RASGRF2: variants seen among roughly 807,000 people sequenced by gnomAD.
The protein encoded by RASGRF2 is Ras protein specific guanine nucleotide releasing factor 2, also known as ras-specific guanine nucleotide-releasing factor 2.
A neutral mutation model predicts 151.0 loss-of-function variants in RASGRF2; 76 were observed. That is an observed-to-expected ratio of 0.50 (90% CI 0.42 to 0.61). The LOEUF (loss-of-function observed/expected upper bound fraction) is 0.61, where lower values mean the gene tolerates loss of function less well. RASGRF2 is among the 20% of genes least tolerant of loss of function. The pLI is 0.00. For synonymous variants in RASGRF2, 504 were observed against 566.5 expected (o/e 0.89, Z 1.57); for missense variants, 1,148 against 1,564.6 (o/e 0.73, Z 4.49).
Position 81,159,323 on chromosome 5 carries a change from C to T in RASGRF2, c.2687-20852C>T, listed in dbSNP as rs1754329536. Among the ~76,000 whole-genome samples, 3 of 152,210 alleles carry T rather than the reference C, an allele frequency of 2.0e-5. No individual in the cohort carries two copies. In the South Asian group the frequency reaches 6.2e-4, roughly 32 times the overall value. Reference sequence around the variant, plus strand: ...TCTCTGTTGCAACTTCCCAACTCTGCCTTTGCAGTGCCAAAGCAGCAACAG... The same window carrying T: ...TCTCTGTTGCAACTTCCCAACTCTGTCTTTGCAGTGCCAAAGCAGCAACAG... On this transcript the variant is annotated intron_variant, in intron 17 of 26. Transcript: ENST00000265080.
chr5:81,183,377 A>T, intron 18 of RASGRF2: 1 of 924,552 alleles, frequency 1.1e-6, no homozygotes, highest in South Asian at 5.0e-5. Flanking sequence ...AAAAAGTTGC[A>T]GAAGTGTGGG....
chr5:81,179,421 C>T (rs115061127), intron 17 of RASGRF2, among the ~76,000 whole-genome samples: 1,766 of 152,242 alleles, frequency 0.012, 46 homozygotes, highest in African/African-American at 0.039. Context: ...ACCTAACTTG[C>T]CAGGGTGGGA....
intron 1 of RASGRF2, among the ~76,000 whole-genome samples, chr5:81,027,767 G>C (rs1750087454): frequency 6.6e-6 from 1 of 152,186 alleles, no homozygotes; most frequent in Admixed American, 6.5e-5. Context: ...TGAAGTTCCA[G>C]GTCTGTAAAC....
intron 3 of RASGRF2, among the ~76,000 whole-genome samples, chr5:81,068,615 C>T (rs1044927102): frequency 6.6e-6 from 1 of 152,142 alleles, no homozygotes; most frequent in Non-Finnish European, 1.5e-5. Context: ...AGGAGTCCAA[C>T]CTTCTCCCCT....
intron 17 of RASGRF2, among the ~76,000 whole-genome samples, chr5:81,130,640 G>C (rs1041031412): frequency 6.6e-6 from 1 of 152,132 alleles, no homozygotes; most frequent in Non-Finnish European, 1.5e-5. Flanking sequence ...TAGATACCTG[G>C]ACAGGTGTTC....
chr5:81,092,670 T>G (rs1335898110), intron 9 of RASGRF2, 131 bp from the exon 10 acceptor site: 9 of 806,602 alleles, frequency 1.1e-5, no homozygotes, highest in African/African-American at 3.4e-5. Context: ...GAGTTACTTG[T>G]TCTGATGATG....
In RASGRF2 at chr5:81,085,886, A is replaced by G. The variant is rs966880051; in HGVS notation, c.1246A>G (p.Lys416Glu). ...HVERKSLEFA[K>E]SKLEELSRVM... is the part of the protein sequence containing the mutation. Reference sequence around the variant, plus strand: ...GGAAAGGAAAAGCCTGGAGTTTGCCAAATCAAAGCTAGAGGAACTATCCAG... The same window carrying G: ...GGAAAGGAAAAGCCTGGAGTTTGCCGAATCAAAGCTAGAGGAACTATCCAG... The change falls in exon 8 of 27, where the codon AAA (lysine) becomes GAA (glutamate). Residue 416 changes from lysine (K) to glutamate (E), a missense_variant. This residue lies in a region of RASGRF2 where 176 missense variants were observed against 309.6 expected (regional missense o/e 0.57). Coordinates refer to ENST00000265080, the MANE Select transcript of RASGRF2 (RefSeq NM_006909.3). The G allele has an allele frequency of 1.2e-6, 2 of 1,614,040 alleles. No individual in the cohort carries two copies. The highest frequency in any genetic ancestry group is 2.7e-5 in the African/African-American group (2 of 74,916).
chr5:81,115,019 A>C (rs1333938325), intron 15 of RASGRF2, among the ~76,000 whole-genome samples: 7 of 152,212 alleles, frequency 4.6e-5, no homozygotes, highest in Admixed American at 4.6e-4. Context: ...AAAATGATTC[A>C]CAGTGAAATT....
intron 17 of RASGRF2, among the ~76,000 whole-genome samples, chr5:81,157,664 C>T (rs1754293055): frequency 1.3e-5 from 2 of 152,142 alleles, no homozygotes; most frequent in African/African-American, 4.8e-5. Context: ...TTCCACATGA[C>T]TGGGGAGGTC....
chr5:81,155,594 C>T (rs892455269), intron 17 of RASGRF2, among the ~76,000 whole-genome samples: 1 of 148,746 alleles, frequency 6.7e-6, no homozygotes, highest in Non-Finnish European at 1.5e-5. Flanking sequence ...ATGTTCTGTC[C>T]AACCAAACCC....
In RASGRF2 at chr5:81,225,872, C is replaced by T. The variant is rs1755989215; in HGVS notation, c.*102C>T. The T allele has an allele frequency of 8.2e-7, 1 of 1,217,918 alleles. No homozygotes were observed. Among genetic ancestry groups the T allele is most frequent in the Admixed American group, 3.2e-5 (1 of 31,150 alleles). 75.4% of individuals were successfully genotyped at this position (1,217,918 alleles called of 1,614,324 possible). ...CACGGTACAGCACGAAGCCAGGCTC[C>T]TTTCTCCACCAAAGAAGATGGAACC... On this transcript the variant is annotated 3_prime_UTR_variant, in exon 27 of 27. Coordinates refer to ENST00000265080, the MANE Select transcript of RASGRF2 (RefSeq NM_006909.3).
chr5:81,042,976 C>A lies in RASGRF2; in HGVS notation c.388C>A (p.Gln130Lys). The part of the protein sequence containing the change: ...DGKEWMEAIH[Q>K]ASYADILIER... ...TAAAGAGTGGATGGAGGCCATTCAC[C>A]AAGCCAGGTATAGGCTCAGTCTTCC... is the stretch of plus-strand genomic sequence containing the variant. The change falls in exon 2 of 27, where the codon CAA (glutamine) becomes AAA (lysine). Residue 130 changes from glutamine (Q) to lysine (K), a missense_variant. This residue lies in a region of RASGRF2 where 221 missense variants were observed against 271.3 expected (regional missense o/e 0.81). Transcript: ENST00000265080. 6.2e-7 allele frequency: 1 copy of A among 1,608,316 alleles called. No homozygotes were observed. The highest frequency in any genetic ancestry group is 1.1e-5 in the South Asian group (1 of 89,734).
At chr5:81,192,501 A>C (rs1755172314) in intron 18 of RASGRF2, among the ~76,000 whole-genome samples, 1 of 152,230 alleles carries the variant, frequency 6.6e-6, no homozygotes. Flanking sequence ...TTCCAGCAAG[A>C]AGCCCTGATT....
chr5:81,107,209 A>T (rs1468468586), intron 12 of RASGRF2, among the ~76,000 whole-genome samples: 1 of 151,636 alleles, frequency 6.6e-6, no homozygotes, highest in Non-Finnish European at 1.5e-5. Flanking sequence ...AAAAAAAAAA[A>T]AAAAAATCTC....
chr5:81,054,106 C>T (rs904839839), intron 2 of RASGRF2, among the ~76,000 whole-genome samples: 4 of 152,190 alleles, frequency 2.6e-5, no homozygotes, highest in Non-Finnish European at 5.9e-5. Flanking sequence ...GTTTCTTTTG[C>T]TGTGCAGAAG....
intron 1 of RASGRF2, among the ~76,000 whole-genome samples, chr5:80,987,713 T>G (rs1213362195): frequency 6.6e-6 from 1 of 152,142 alleles, no homozygotes; most frequent in Non-Finnish European, 1.5e-5. Context: ...GATTCTTCGT[T>G]AAAGAAAACC....
At chr5:80,982,446 AG>A (rs11325060) in intron 1 of RASGRF2, among the ~76,000 whole-genome samples, 94,634 of 151,406 alleles carry the variant, frequency 0.63, 29,677 homozygotes, top group East Asian at 0.72. Flanking sequence ...ACCTGTAGGA[AG>A]AAGGAAGAAC....
chr5:81,225,263 A>G (rs1755947031), intron 26 of RASGRF2, among the ~76,000 whole-genome samples: 2 of 152,202 alleles, frequency 1.3e-5, no homozygotes, highest in Non-Finnish European at 2.9e-5. Context: ...CACTATTAAT[A>G]CTGTATAGCA....
At chr5:81,108,563 A>G (rs929558225) in intron 12 of RASGRF2, among the ~76,000 whole-genome samples, 11 of 152,196 alleles carry the variant, frequency 7.2e-5, no homozygotes, top group African/African-American at 2.4e-4. Context: ...GGAAGCCACT[A>G]TTTCCAATCT....
Sources: allele counts gnomAD v4.1 joint callset (sites outside exome capture counted in the v4.1 genomes callset), GRCh38; gene constraint gnomAD v4.1.1; regional missense constraint gnomAD v4.1.1; transcripts MANE v1.5; gene names NCBI Gene and HGNC (gene_info 2026-07-23, HGNC 2026-07-21).